Variants in PTPRS observed in about 807,000 individuals in gnomAD.
PTPRS encodes the protein protein tyrosine phosphatase receptor type S, also known as receptor-type tyrosine-protein phosphatase S.
PTPRS carries 63 observed loss-of-function variants against 215.3 expected under a neutral mutation model. The observed-to-expected ratio is 0.29, with a 90% confidence interval of 0.24 to 0.36. PTPRS has a LOEUF of 0.36. PTPRS is among the 10% of genes least tolerant of loss of function. PTPRS has a pLI of 1.00. For synonymous variants in PTPRS, 1,404 were observed against 1,191.4 expected, an observed-to-expected ratio of 1.18 and a Z score of -3.68; for missense variants, 2,258 against 2,825.8, an observed-to-expected ratio of 0.80 and a Z score of 4.56.
intron 4 of PTPRS, among the ~76,000 whole-genome samples, chr19:5,268,333 G>A (rs2046610412): frequency 1.3e-5 from 2 of 152,058 alleles, no homozygotes; most frequent in Admixed American, 1.3e-4. Flanking sequence ...TTACTTCCTG[G>A]TGGTCTGGAG....
intron 24 of PTPRS, 106 bp downstream of exon 24, chr19:5,218,681 G>T: frequency 6.5e-7 from 1 of 1,529,750 alleles, no homozygotes; most frequent in Non-Finnish European, 9.1e-7. Flanking sequence ...ACGTGTACAA[G>T]CTGTGGGGGC....
chr19:5,211,528 C>G (rs139609579), intron 33 of PTPRS, 62 bp downstream of exon 33: 1 of 1,521,924 alleles, frequency 6.6e-7, no homozygotes, highest in Non-Finnish European at 9.0e-7. Flanking sequence ...AGACTGGAGG[C>G]CTCTTGAGAG....
intron 1 of PTPRS, among the ~76,000 whole-genome samples, chr19:5,314,338 T>C (rs2049805177): frequency 6.6e-6 from 1 of 152,172 alleles, no homozygotes. Context: ...GTCTGCATCA[T>C]GATTTGGCCT....
At chr19:5,213,527 A>G (rs2041125432) in intron 30 of PTPRS, among the ~76,000 whole-genome samples, 1 of 152,172 alleles carries the variant, frequency 6.6e-6, no homozygotes, top group Admixed American at 6.5e-5. Flanking sequence ...GACATTTCAT[A>G]GTTGTGGTCT....
chr19:5,274,573 A>G (rs1263782446), intron 2 of PTPRS, among the ~76,000 whole-genome samples: 3 of 151,784 alleles, frequency 2.0e-5, no homozygotes, highest in Non-Finnish European at 2.9e-5. Context: ...TCCACCTGCA[A>G]CAGCCACACC....
At chr19:5,313,109 G>A (rs2049761434) in intron 1 of PTPRS, among the ~76,000 whole-genome samples, 1 of 152,156 alleles carries the variant, frequency 6.6e-6, no homozygotes, top group Non-Finnish European at 1.5e-5. Flanking sequence ...CAGAGACAGG[G>A]TTTCACCATG....
At chr19:5,306,277 T>G (rs2049490531) in intron 1 of PTPRS, among the ~76,000 whole-genome samples, 1 of 151,746 alleles carries the variant, frequency 6.6e-6, no homozygotes, top group African/African-American at 2.4e-5. Context: ...CCCGAGTAGC[T>G]GGGATCACAG....
rs778834304 is a variant in PTPRS, at chr19:5,215,317, G to A, written c.4290C>T (p.His1430=). 2 of 1,614,162 alleles carry A rather than the reference G, an allele frequency of 1.2e-6. No homozygotes were observed. ...NRYANVIAYD[H]SRVILQPIEG... ...CAATGGGCTGGAGGATGACACGGGA[G>A]TGGTCATAGGCGATGACGTTGGCAT... Residue 1430 remains histidine (H), a synonymous_variant, in exon 28 of 38, where the codon CAC becomes CAT. Coordinates refer to ENST00000262963, the MANE Select transcript of PTPRS (RefSeq NM_002850.4).
chr19:5,242,480 G>C (rs2044125089), intron 11 of PTPRS, among the ~76,000 whole-genome samples: 1 of 151,828 alleles, frequency 6.6e-6, no homozygotes, highest in African/African-American at 2.4e-5. Context: ...TGATTCTCCT[G>C]CCTCAGCCTC....
At chr19:5,213,926 A>G (rs920461486) in intron 30 of PTPRS, among the ~76,000 whole-genome samples, 4 of 152,214 alleles carry the variant, frequency 2.6e-5, no homozygotes, top group African/African-American at 9.6e-5. Flanking sequence ...ATACATATCT[A>G]AAAGATCTTC....
intron 1 of PTPRS, among the ~76,000 whole-genome samples, chr19:5,309,820 G>T (rs779337995): frequency 2.4e-4 from 37 of 151,820 alleles, no homozygotes; most frequent in Non-Finnish European, 5.2e-4. Context: ...ATCATCCCTG[G>T]CCTGGATCTG....
chr19:5,238,805 G>A, intron 13 of PTPRS, 114 bp downstream of exon 13: 9 of 1,366,462 alleles, frequency 6.6e-6, no homozygotes, highest in Non-Finnish European at 8.6e-6. Flanking sequence ...GACAGGCCGG[G>A]AGGCGCCCCC....
intron 16 of PTPRS, among the ~76,000 whole-genome samples, chr19:5,228,492 C>A (rs1325952093): frequency 6.6e-6 from 1 of 151,978 alleles, no homozygotes; most frequent in Non-Finnish European, 1.5e-5. Context: ...ATTACAGGTG[C>A]CTGCCACCAC....
At chr19:5,260,960 G>T in intron 6 of PTPRS, 138 bp from the exon 7 acceptor site, 2 of 1,032,880 alleles carry the variant, frequency 1.9e-6, no homozygotes, top group Non-Finnish European at 2.9e-6. Flanking sequence ...CCAGCCCTGG[G>T]CATACGGACC....
chr19:5,281,549 T>C (rs1429011074), intron 2 of PTPRS, among the ~76,000 whole-genome samples: 2 of 152,156 alleles, frequency 1.3e-5, no homozygotes, highest in African/African-American at 4.8e-5. Context: ...AAAGCCGACA[T>C]CTTACTGTCC....
chr19:5,211,641 C>G lies in PTPRS; in HGVS notation c.5183G>C (p.Arg1728Pro). Residue 1728 changes from arginine to proline, a missense_variant, in exon 33 of 38, where the codon CGG becomes CCG. Arg to Pro is a moderately radical substitution (Grantham distance 103). Around this residue, in one of 6 missense-constraint regions of PTPRS, gnomAD observed 927 missense variants for 1,125.9 expected, o/e 0.82. Transcript: ENST00000262963. ...GATGTAGTCAGAGCCCTCCACACCCCGGATGGGTTGCAGACAGACCCGTGT... is the reference window on the plus strand; with the variant it reads ...GATGTAGTCAGAGCCCTCCACACCCGGGATGGGTTGCAGACAGACCCGTGT... ...ESTRVCLQPI[R>P]GVEGSDYINA... The G allele has an allele frequency of 6.2e-7, 1 of 1,613,978 alleles. No homozygotes were observed. The highest frequency in any genetic ancestry group is 8.5e-7 in the Non-Finnish European group (1 of 1,179,918).
intron 30 of PTPRS, among the ~76,000 whole-genome samples, chr19:5,214,036 T>A (rs2041184130): frequency 6.6e-6 from 1 of 152,122 alleles, no homozygotes; most frequent in Non-Finnish European, 1.5e-5. Flanking sequence ...GCCCCCATCA[T>A]AGGCTCAAGC....
intron 9 of PTPRS, among the ~76,000 whole-genome samples, chr19:5,251,204 C>T (rs2045025890): frequency 1.3e-5 from 2 of 152,038 alleles, no homozygotes; most frequent in African/African-American, 4.8e-5. Context: ...GGAGGGTGGG[C>T]ACCGCCCCTC....
intron 1 of PTPRS, among the ~76,000 whole-genome samples, chr19:5,318,765 G>A (rs961909161): frequency 2.6e-5 from 4 of 152,118 alleles, no homozygotes; most frequent in East Asian, 1.9e-4. Flanking sequence ...TGATCCTCCC[G>A]TCTCAACCTC....
Sources: gnomAD v4.1 joint callset for allele counts (sites outside exome capture counted in the v4.1 genomes callset) on GRCh38, gnomAD v4.1.1 for gene constraint, gnomAD v4.1.1 regional missense constraint, MANE v1.5 for transcripts, NCBI Gene and HGNC (gene_info 2026-07-23, HGNC 2026-07-21) for gene names.